The following CENPN variants were observed in gnomAD, a reference collection of about 807,000 sequenced individuals.
The protein encoded by CENPN is centromere protein N.
CENPN carries 36 observed loss-of-function variants against 48.6 expected under a neutral mutation model. The ratio of observed to expected loss-of-function variants is 0.74; its 90% CI spans 0.57 to 0.98. The LOEUF is 0.98. CENPN is among the 50% of genes least tolerant of loss of function. The probability of loss-of-function intolerance (pLI) is 0.00; values close to 1 mark genes in which losing one functional copy is unlikely to be tolerated. For synonymous variants in CENPN, 166 were observed against 135.2 expected, an observed-to-expected ratio of 1.23 and a Z score of -1.58; for missense variants, 439 against 399.2, an observed-to-expected ratio of 1.10 and a Z score of -0.85.
rs1419806193 is a variant in CENPN at position 81,029,001 on chromosome 16, C to G, written c.*350C>G. 2.0e-6 allele frequency: 2 copies of G among 1,000,346 alleles called. No individual in the cohort carries two copies. Among genetic ancestry groups the G allele is most frequent in the African/African-American group, 1.7e-5 (1 of 57,724 alleles). The allele number at this position is 1,000,346 out of a possible 1,614,324, so 62.0% of individuals were successfully genotyped here. ...CCTTTTTTCTATGGCTGTCTCTTCTCAATTCTGGAGAGGTCTGGTTCCAGT... is the reference window on the plus strand; with the variant it reads ...CCTTTTTTCTATGGCTGTCTCTTCTGAATTCTGGAGAGGTCTGGTTCCAGT... On this transcript the variant is annotated 3_prime_UTR_variant, in exon 11 of 11. Transcript: ENST00000305850.
chr16:81,010,181 G>C (rs1969684181), intron 1 of CENPN, among the ~76,000 whole-genome samples: 2 of 152,166 alleles, frequency 1.3e-5, no homozygotes, highest in Admixed American at 1.3e-4. Flanking sequence ...CCGGGCGACA[G>C]AGTGAGACTC....
Position 81,022,717 on chromosome 16 carries a change from C to G in CENPN, c.633+19C>G. 1 of 1,614,054 alleles carries G rather than the reference C, an allele frequency of 6.2e-7. No individual in the cohort carries two copies. The highest frequency in any genetic ancestry group is 8.5e-7 in the Non-Finnish European group (1 of 1,179,974). On this transcript the variant is annotated intron_variant, in intron 7 of 10. Coordinates refer to ENST00000305850, the MANE Select transcript of CENPN (RefSeq NM_001100624.3). ...TAATCAGGTGAGCCAATCAGTGACT[C>G]TCTTTAAAGGTAAATCTTTATTTTC...
Position 81,024,725 on chromosome 16 carries a change from C to G in CENPN, c.644C>G (p.Thr215Ser). 1.2e-6 allele frequency: 2 copies of G among 1,607,850 alleles called. No homozygotes were observed. Among genetic ancestry groups the G allele is most frequent in the Non-Finnish European group, 1.7e-6 (2 of 1,175,864 alleles). ...VFKQYNQTFE[T>S]HNSTTPLQER... ...CTTTTTTTTCCCTAGACCTTTGAAA[C>G]TCACAACTCTACGACACCTCTACAG... The change falls in exon 8 of 11, where the codon ACT becomes AGT. Residue 215 changes from threonine to serine, a missense_variant. Transcript: ENST00000305850.
At position 81,026,618 on chromosome 16, in the gene CENPN, C is replaced by A. The variant is rs753450317; in HGVS notation, c.790C>A (p.Leu264Ile). The change falls in exon 9 of 11, where the codon CTA becomes ATA. Residue 264 changes from leucine to isoleucine, a missense_variant. Physicochemically the swap from Leu to Ile is conservative, Grantham distance 5 (BLOSUM62 2). Coordinates refer to ENST00000305850, the MANE Select transcript of CENPN (RefSeq NM_001100624.3). The stretch of plus-strand genomic sequence containing the variant: ...ATTTGGAGATTATCCTCAACCACAA[C>A]TAGAATTTGCACAATATAAGGTAAG... Reference protein sequence around the residue: ...ETFGDYPQPQLEFAQYKLETK... With the variant: ...ETFGDYPQPQIEFAQYKLETK... 6.3e-7 allele frequency: 1 copy of A among 1,580,812 alleles called. No individual in the cohort carries two copies. The highest frequency in any genetic ancestry group is 2.2e-5 in the East Asian group (1 of 44,448).
At position 81,026,063 on chromosome 16, in the gene CENPN, A is replaced by G. The variant is rs1409264297; in HGVS notation, c.698-463A>G. Among the ~76,000 whole-genome samples, 235 of 41,542 alleles carry G rather than the reference A, an allele frequency of 5.7e-3. 2 individuals carry two copies. Among genetic ancestry groups the G allele is most frequent in the African/African-American group, 0.014 (228 of 16,204 alleles). The allele number at this position is 41,542 out of a possible 152,430, so 27.3% of individuals were successfully genotyped here. ...CTGGGTGCCATGGAGATATATATAT[A>G]TATATATGTGTGTGTGTGTGTGTGT... is the stretch of plus-strand genomic sequence containing the variant. On this transcript the variant is annotated intron_variant, in intron 8 of 10. Transcript: ENST00000305850.
chr16:81,017,428 T>C (rs763638658), intron 4 of CENPN, 43 bp downstream of exon 4: 1 of 1,377,590 alleles, frequency 7.3e-7, no homozygotes, highest in Non-Finnish European at 1.0e-6. Context: ...TAGTTTGGCT[T>C]GGACTCAGGA....
intron 1 of CENPN, among the ~76,000 whole-genome samples, chr16:81,008,508 AC>A (rs1381176419): frequency 6.6e-6 from 1 of 152,010 alleles, no homozygotes. Flanking sequence ...AGTAGCTGGG[AC>A]TAGAGGTGTG....
chr16:81,019,567 G>A (rs187783487), intron 5 of CENPN, among the ~76,000 whole-genome samples: 20 of 152,194 alleles, frequency 1.3e-4, no homozygotes, highest in Admixed American at 3.9e-4. Flanking sequence ...TGCTAGGTCT[G>A]GGTTAGATGC....
chr16:81,027,728 G>T (rs1250574896), intron 9 of CENPN, among the ~76,000 whole-genome samples: 1 of 152,092 alleles, frequency 6.6e-6, no homozygotes, highest in Admixed American at 6.5e-5. Flanking sequence ...TTTCTGAGAT[G>T]CAGTTTCACT....
chr16:81,032,885 T>C, downstream of CENPN: 1 of 526,776 alleles, frequency 1.9e-6, no homozygotes, highest in Non-Finnish European at 3.3e-6. Context: ...GACATAACAC[T>C]CTAGACACAG....
At chr16:81,032,576 T>A (rs750678048), downstream of CENPN, 19 of 1,603,118 alleles carry the variant, frequency 1.2e-5, no homozygotes, top group South Asian at 2.1e-4. Context: ...TTAGCACTTG[T>A]TTGCAGGATC....
chr16:81,029,114 A>C lies in CENPN; in HGVS notation c.*463A>C. On this transcript the variant is annotated 3_prime_UTR_variant, in exon 11 of 11. Coordinates refer to ENST00000305850, the MANE Select transcript of CENPN (RefSeq NM_001100624.3). ...ACTCAACTCAAAACTTTTTAGGAGA[A>C]TCATGAAATTGGTCTATTCAAAGGA... is the stretch of plus-strand genomic sequence containing the variant. The C allele has an allele frequency of 1.0e-6, 1 of 985,804 alleles. No individual in the cohort carries two copies. Among genetic ancestry groups the C allele is most frequent in the Non-Finnish European group, 1.2e-6 (1 of 830,224 alleles). The allele number at this position is 985,804 out of a possible 1,614,324, so 61.1% of individuals were successfully genotyped here. A position where few individuals can be genotyped will look rare whatever the true frequency, so the allele number is the denominator to read the frequency against.
rs376016298 is a variant in CENPN, at chr16:81,022,371, G to A, written c.532-226G>A. 1.5e-5 allele frequency: 7 copies of A among 460,802 alleles called. No homozygotes were observed. The South Asian group carries it at 1.7e-4, about 11-fold the overall frequency. 28.5% of individuals were successfully genotyped at this position (460,802 alleles called of 1,614,324 possible). ...GTAACTCCTAACTTTAAACAGGATC[G>A]CTTTTCTAAGAAATGATACAAAAGA... On this transcript the variant is annotated intron_variant, in intron 6 of 10. Transcript: ENST00000305850.
intron 4 of CENPN, 27 bp from the exon 5 acceptor site, chr16:81,017,731 T>C (rs575555900): frequency 1.3e-5 from 20 of 1,513,366 alleles, no homozygotes; most frequent in Non-Finnish European, 1.7e-5. Context: ...CCCTTGATTT[T>C]TCTTTATTTT....
intron 1 of CENPN, among the ~76,000 whole-genome samples, chr16:81,010,059 C>T (rs567687473): frequency 6.6e-6 from 1 of 152,202 alleles, no homozygotes; most frequent in East Asian, 1.9e-4. Flanking sequence ...ATTAGCCAGG[C>T]GTGGTGGTGC....
In CENPN at chr16:81,028,270, G is replaced by T. The variant is rs755966054; in HGVS notation, c.910G>T (p.Glu304Ter). ...LIKFSSPHLL[E>*]ALKSLAPAGI... is the part of the protein sequence containing the mutation. ...AAAGTTCTCTAGCCCACATCTTCTG[G>T]AAGCATTGAAATCCTTAGCACCAGC... The change falls in exon 10 of 11, where the codon GAA (glutamate) becomes TAA (stop). Residue 304 changes from glutamate to a stop codon, truncating the protein, a stop_gained. Coordinates refer to ENST00000305850, the MANE Select transcript of CENPN (RefSeq NM_001100624.3). LOFTEE classifies it high-confidence loss of function. The T allele has an allele frequency of 1.2e-6, 2 of 1,613,972 alleles. No homozygotes were observed. The highest frequency in any genetic ancestry group is 8.5e-7 in the Non-Finnish European group (1 of 1,179,992).
At chr16:81,014,263 C>A in intron 3 of CENPN, 82 bp downstream of exon 3, 2 of 1,191,516 alleles carry the variant, frequency 1.7e-6, no homozygotes, top group South Asian at 1.2e-5. Flanking sequence ...GAGACAGGGT[C>A]TCCCTCTGTC....
At chr16:81,017,959 C>T in intron 5 of CENPN, 125 bp downstream of exon 5, 1 of 596,280 alleles carries the variant, frequency 1.7e-6, no homozygotes, top group Non-Finnish European at 3.0e-6. Context: ...TCATACGGTT[C>T]TACTCCATAT....
intron 10 of CENPN, 92 bp downstream of exon 10, chr16:81,028,389 A>G (rs528276216): frequency 1.3e-6 from 2 of 1,526,042 alleles, no homozygotes; most frequent in African/African-American, 1.4e-5. Context: ...GAGCTCACCC[A>G]TCACCCTAGT....
Sources: allele counts gnomAD v4.1 joint callset (sites outside exome capture counted in the v4.1 genomes callset), GRCh38; gene constraint gnomAD v4.1.1; transcripts MANE v1.5; gene names NCBI Gene and HGNC (gene_info 2026-07-23, HGNC 2026-07-21).